EMCN: variants seen among roughly 807,000 people sequenced by gnomAD.
EMCN encodes the protein endomucin.
Under a neutral mutation model 38.4 loss-of-function variants are expected in EMCN, and 37 were observed. That is an observed-to-expected ratio of 0.96 (90% CI 0.74 to 1.27). The LOEUF (loss-of-function observed/expected upper bound fraction) is 1.27, where lower values mean the gene tolerates loss of function less well. Ranked by LOEUF, EMCN falls within the 50% of genes most tolerant of loss-of-function variation. EMCN has a pLI of 0.00. For synonymous variants in EMCN, 95 were observed against 100.8 expected (o/e 0.94, Z 0.35); for missense variants, 318 against 302.8 (o/e 1.05, Z -0.37).
chr4:100,423,573 C>A lies in EMCN; in HGVS notation c.416-169G>T, dbSNP rs9307245. ...CTAAACCATAAGTTCATCCATTCCT[C>A]CTGGAAAGATAATTAAATTTAGAAT... On this transcript the variant is annotated intron_variant, in intron 5 of 11. Coordinates refer to ENST00000296420, the MANE Select transcript of EMCN (RefSeq NM_016242.4). 0.021 allele frequency among the ~76,000 whole-genome samples: 3,177 copies of A among 152,178 alleles called. 121 individuals carry two copies. The highest frequency in any genetic ancestry group is 0.072 in the African/African-American group (3,004 of 41,524).
chr4:100,417,381 C>T (rs1374879494), intron 8 of EMCN, among the ~76,000 whole-genome samples: 1 of 152,128 alleles, frequency 6.6e-6, no homozygotes, highest in Non-Finnish European at 1.5e-5. Context: ...TAGTTCTGGA[C>T]TAATCTTGAT....
Position 100,457,629 on chromosome 4 carries a change from C to T in EMCN, c.376+7794G>A, listed in dbSNP as rs113936274. ...TTGATTTTCCTATGTTGAACCATCT[C>T]GCATTCCACAAATAAATGCCACTTG... On this transcript the variant is annotated intron_variant, in intron 4 of 11. Coordinates refer to ENST00000296420, the MANE Select transcript of EMCN (RefSeq NM_016242.4). 4.7e-3 allele frequency among the ~76,000 whole-genome samples: 721 copies of T among 152,268 alleles called. 7 individuals are homozygous for T. Among genetic ancestry groups the T allele is most frequent in the African/African-American group, 0.017 (687 of 41,542 alleles).
chr4:100,506,948 A>G (rs1729494795), intron 1 of EMCN, among the ~76,000 whole-genome samples: 1 of 152,132 alleles, frequency 6.6e-6, no homozygotes, highest in Non-Finnish European at 1.5e-5. Context: ...AAATGCTAGT[A>G]ATTTAATCCT....
chr4:100,454,063 A>G (rs913842724), intron 4 of EMCN, among the ~76,000 whole-genome samples: 2 of 151,706 alleles, frequency 1.3e-5, no homozygotes, highest in African/African-American at 4.8e-5. Flanking sequence ...TGGGAGATAT[A>G]CCTAATGCTA....
At chr4:100,434,560 G>A (rs993128486) in intron 5 of EMCN, among the ~76,000 whole-genome samples, 2 of 152,102 alleles carry the variant, frequency 1.3e-5, no homozygotes, top group Admixed American at 1.3e-4. Context: ...AAACCTGGCA[G>A]AGATACAACA....
At chr4:100,499,772 T>C (rs1217555743) in intron 1 of EMCN, among the ~76,000 whole-genome samples, 1 of 152,170 alleles carries the variant, frequency 6.6e-6, no homozygotes, top group Non-Finnish European at 1.5e-5. Context: ...ATAAATCAAT[T>C]AGTGTATAAC....
In EMCN at chr4:100,397,640, G is replaced by C. The variant is rs1460700267; in HGVS notation, c.*773C>G. On this transcript the variant is annotated 3_prime_UTR_variant, in exon 12 of 12. Transcript: ENST00000296420. ...CATCACATAGTATGAATGACAAATA[G>C]AAAGACCAAAGAACTGATAAATTAC... 1 of 152,056 alleles carries C rather than the reference G, an allele frequency of 6.6e-6. No homozygotes were observed. The highest frequency in any genetic ancestry group is 1.5e-5 in the Non-Finnish European group (1 of 67,998). 9.4% of individuals were successfully genotyped at this position (152,056 alleles called of 1,614,324 possible). A position where few individuals can be genotyped will look rare whatever the true frequency, so the allele number is the denominator to read the frequency against.
chr4:100,395,392 C>T lies in EMCN; in HGVS notation c.*3021G>A, dbSNP rs952571433. On this transcript the variant is annotated 3_prime_UTR_variant, in exon 12 of 12. Transcript: ENST00000296420. ...CCCATTTATTGGAAAATGAGAAGTCCTGTGTGTGCAGAGAAATTTTAAAGA... is the reference window on the plus strand; with the variant it reads ...CCCATTTATTGGAAAATGAGAAGTCTTGTGTGTGCAGAGAAATTTTAAAGA... The T allele has an allele frequency of 6.6e-6, 1 of 152,020 alleles. No homozygotes were observed. Among genetic ancestry groups the T allele is most frequent in the African/African-American group, 2.4e-5 (1 of 41,400 alleles). 9.4% of individuals were successfully genotyped at this position (152,020 alleles called of 1,614,324 possible). A position where few individuals can be genotyped will look rare whatever the true frequency, so the allele number is the denominator to read the frequency against.
intron 1 of EMCN, among the ~76,000 whole-genome samples, chr4:100,508,530 C>T (rs917067355): frequency 2.0e-5 from 3 of 152,050 alleles, no homozygotes; most frequent in Admixed American, 2.0e-4. Flanking sequence ...CTAGGAACAA[C>T]TGAATTATGT....
At chr4:100,427,288 T>C (rs1345474424) in intron 5 of EMCN, among the ~76,000 whole-genome samples, 4 of 152,042 alleles carry the variant, frequency 2.6e-5, no homozygotes, top group Non-Finnish European at 4.4e-5. Flanking sequence ...CTTTTTATAT[T>C]GAGAACAGGA....
intron 1 of EMCN, among the ~76,000 whole-genome samples, chr4:100,512,088 G>T (rs368702511): frequency 1.1e-4 from 17 of 152,288 alleles, no homozygotes; most frequent in African/African-American, 3.1e-4. Context: ...CGGCTGTCAG[G>T]TTACACCCGT....
rs116877770 is a variant in EMCN, at chr4:100,460,705, G to A, written c.376+4718C>T. On this transcript the variant is annotated intron_variant, in intron 4 of 11. Transcript: ENST00000296420. ...ATTATGGGAGCTACAATTCAAGTGA[G>A]ATTTGAGTGGGGACACAGCCAAACC... Among the ~76,000 whole-genome samples, 136 of 152,298 alleles carry A rather than the reference G, an allele frequency of 8.9e-4. 1 individual carries two copies. The East Asian group carries it at 0.025, about 28-fold the overall frequency.
chr4:100,441,579 TTCTC>T lies in EMCN; in HGVS notation c.415+5950_415+5953del, dbSNP rs1727519371. 2.0e-5 allele frequency among the ~76,000 whole-genome samples: 3 copies of T among 152,312 alleles called. No homozygotes were observed. The South Asian group carries it at 6.2e-4, about 32-fold the overall frequency. ...TCTGATTATTGGTAGCTTCGTTTCT[TTCTC>T]TCTCATTGTCTACCTTTGTAATTTG... is the stretch of plus-strand genomic sequence containing the variant. On this transcript the variant is annotated intron_variant, in intron 5 of 11. Coordinates refer to ENST00000296420, the MANE Select transcript of EMCN (RefSeq NM_016242.4).
chr4:100,479,810 T>A (rs1482302722), intron 2 of EMCN, 107 bp downstream of exon 2: 2 of 954,064 alleles, frequency 2.1e-6, no homozygotes, highest in Non-Finnish European at 3.0e-6. Flanking sequence ...CTGACCTTTA[T>A]AACAATCAGA....
rs141049528 is a variant in EMCN at position 100,452,976 on chromosome 4, T to G, written c.377-5405A>C. ...GTGCTGGGAAAACTGGCTAGCCATA[T>G]GTAGAAAGCTGAAACTGGATCCCTT... On this transcript the variant is annotated intron_variant, in intron 4 of 11. Transcript: ENST00000296420. Among the ~76,000 whole-genome samples, 895 of 152,310 alleles carry G rather than the reference T, an allele frequency of 5.9e-3. 14 individuals carry two copies. The highest frequency in any genetic ancestry group is 9.8e-3 in the Non-Finnish European group (670 of 68,022).
At chr4:100,403,422 A>C (rs1726311502) in intron 11 of EMCN, among the ~76,000 whole-genome samples, 1 of 147,284 alleles carries the variant, frequency 6.8e-6, no homozygotes, top group East Asian at 1.9e-4. Context: ...TGCGTACCAC[A>C]TTTTCTTTAT....
intron 4 of EMCN, among the ~76,000 whole-genome samples, chr4:100,448,826 C>CCTTCCTTCCTTCCTTCCTTCCTTCTTT (rs1179151604): frequency 7.2e-6 from 1 of 139,246 alleles, no homozygotes; most frequent in East Asian, 2.2e-4. Flanking sequence ...CTTCCTTCCT[C>CCTTCCTTCCTTCCTTCCTTCCTTCTTT]CCTCCCTCCC....
At chr4:100,459,103 G>A (rs976378674) in intron 4 of EMCN, among the ~76,000 whole-genome samples, 2 of 150,828 alleles carry the variant, frequency 1.3e-5, no homozygotes, top group African/African-American at 4.9e-5. Context: ...TGAATTTGTA[G>A]GACTTCTTTT....
At chr4:100,417,278 A>T (rs1726763303) in intron 8 of EMCN, 137 bp from the exon 9 acceptor site, 6 of 826,766 alleles carry the variant, frequency 7.3e-6, no homozygotes, top group Non-Finnish European at 1.2e-5. Flanking sequence ...AAAATATTTT[A>T]ATTTTCCCCT....
Sources: gnomAD v4.1 joint callset for allele counts (sites outside exome capture counted in the v4.1 genomes callset) on GRCh38, gnomAD v4.1.1 for gene constraint, MANE v1.5 for transcripts, NCBI Gene and HGNC (gene_info 2026-07-23, HGNC 2026-07-21) for gene names.